The following AK9 variants were observed in gnomAD, a reference collection of about 807,000 sequenced individuals.
AK9 encodes adenylate kinase 9, also known as adenylate kinase domain containing 1.
In AK9, 191 loss-of-function variants were observed where a neutral mutation model predicts 239.6. That is an observed-to-expected ratio of 0.80 (90% CI 0.71 to 0.90). The LOEUF (loss-of-function observed/expected upper bound fraction) is 0.90. AK9 is among the 40% of genes least tolerant of loss of function. The pLI, the probability that AK9 is intolerant of heterozygous loss-of-function variation, is 0.00. For synonymous variants in AK9, 689 were observed against 721.0 expected, an observed-to-expected ratio of 0.96 and a Z score of 0.71; for missense variants, 1,995 against 2,214.7, an observed-to-expected ratio of 0.90 and a Z score of 1.99.
At chr6:109,599,605 T>C (rs1274252945) in intron 17 of AK9, among the ~76,000 whole-genome samples, 1 of 152,102 alleles carries the variant, frequency 6.6e-6, no homozygotes, top group Non-Finnish European at 1.5e-5. Flanking sequence ...TTTCCAATTC[T>C]GTGAAGAAAG....
intron 19 of AK9, among the ~76,000 whole-genome samples, chr6:109,584,050 T>C (rs774848685): frequency 4.7e-4 from 71 of 152,304 alleles, no homozygotes; most frequent in Non-Finnish European, 5.0e-4. Flanking sequence ...TTTGTAATTA[T>C]TGTCTGAATT....
chr6:109,687,756 G>T (rs752400185), intron 1 of AK9, among the ~76,000 whole-genome samples: 1 of 152,220 alleles, frequency 6.6e-6, no homozygotes, highest in African/African-American at 2.4e-5. Context: ...GGTGAGTGAT[G>T]CCAGGGCTCC....
chr6:109,501,026 A>G (rs1342445918), intron 35 of AK9, among the ~76,000 whole-genome samples: 1 of 152,084 alleles, frequency 6.6e-6, no homozygotes, highest in Non-Finnish European at 1.5e-5. Flanking sequence ...AACAAAATGA[A>G]AGAAAAGAAA....
Position 109,499,115 on chromosome 6 carries a change from T to C in AK9, c.4975A>G (p.Thr1659Ala). The change falls in exon 36 of 41, where the codon ACT becomes GCT. Residue 1659 changes from threonine (T) to alanine (A), a missense_variant. Physicochemically the swap from Thr to Ala is moderately conservative, Grantham distance 58 (BLOSUM62 0). Around this residue, in one of 5 missense-constraint regions of AK9, gnomAD observed 391 missense variants for 456.0 expected, o/e 0.86. Coordinates refer to ENST00000424296, the MANE Select transcript of AK9 (RefSeq NM_001145128.3). The part of the protein sequence containing the change: ...ESQELFDCSA[T>A]DSLEFAAEFR... ...TCTGCTGCAAATTCCAAGGAGTCAGTTGCAGAGCAATCAAATAATTCCTGG... is the reference window on the plus strand; with the variant it reads ...TCTGCTGCAAATTCCAAGGAGTCAGCTGCAGAGCAATCAAATAATTCCTGG... The C allele has an allele frequency of 6.2e-7, 1 of 1,609,006 alleles. No homozygotes were observed. Among genetic ancestry groups the C allele is most frequent in the South Asian group, 1.1e-5 (1 of 89,998 alleles).
chr6:109,682,284 A>G (rs1350254721), intron 1 of AK9, among the ~76,000 whole-genome samples: 3 of 152,060 alleles, frequency 2.0e-5, no homozygotes, highest in East Asian at 1.9e-4. Context: ...AAAATTAGCC[A>G]GGCGTGGTGG....
At chr6:109,648,187 A>T (rs1233625614) in intron 8 of AK9, among the ~76,000 whole-genome samples, 2 of 152,220 alleles carry the variant, frequency 1.3e-5, no homozygotes, top group Non-Finnish European at 2.9e-5. Flanking sequence ...GAACTAGAAA[A>T]GCAAGAGCAA....
At chr6:109,548,389 T>C (rs1783881064) in intron 25 of AK9, among the ~76,000 whole-genome samples, 1 of 152,128 alleles carries the variant, frequency 6.6e-6, no homozygotes, top group Non-Finnish European at 1.5e-5. Context: ...GGAATAAACA[T>C]CAAATTTATG....
At chr6:109,643,288 C>T (rs977725399) in intron 9 of AK9, among the ~76,000 whole-genome samples, 2 of 152,176 alleles carry the variant, frequency 1.3e-5, no homozygotes, top group African/African-American at 2.4e-5. Flanking sequence ...GTGGCTCCAC[C>T]ACTAGCATGC....
At chr6:109,643,586 AAC>A (rs1161860080) in intron 9 of AK9, among the ~76,000 whole-genome samples, 1 of 152,146 alleles carries the variant, frequency 6.6e-6, no homozygotes, top group Non-Finnish European at 1.5e-5. Context: ...ATCTTTCTTA[AAC>A]AGAAATAGGA....
At chr6:109,551,720 G>A (rs1344011123) in intron 24 of AK9, among the ~76,000 whole-genome samples, 1 of 150,038 alleles carries the variant, frequency 6.7e-6, no homozygotes, top group Non-Finnish European at 1.5e-5. Context: ...TTTATTTGGG[G>A]TAAAATCCTT....
intron 25 of AK9, among the ~76,000 whole-genome samples, chr6:109,547,346 C>T (rs1399994440): frequency 6.6e-6 from 1 of 152,114 alleles, no homozygotes; most frequent in South Asian, 2.1e-4. Flanking sequence ...TAATCCTATC[C>T]CAGGGAGCTA....
chr6:109,569,824 T>C (rs1787149883), intron 21 of AK9, among the ~76,000 whole-genome samples: 2 of 152,206 alleles, frequency 1.3e-5, no homozygotes, highest in Non-Finnish European at 2.9e-5. Context: ...GCTTTTACAC[T>C]GTTGGTGGGA....
intron 17 of AK9, among the ~76,000 whole-genome samples, chr6:109,588,271 G>A (rs966211762): frequency 2.0e-5 from 3 of 151,948 alleles, no homozygotes; most frequent in South Asian, 2.1e-4. Context: ...GGGTTTCACC[G>A]TGTTAGCCAG....
At chr6:109,600,259 C>A (rs539041301) in intron 17 of AK9, among the ~76,000 whole-genome samples, 1 of 152,110 alleles carries the variant, frequency 6.6e-6, no homozygotes, top group African/African-American at 2.4e-5. Flanking sequence ...CCCATCAATA[C>A]CTAATTTATT....
At chr6:109,663,470 A>G (rs529996170) in intron 5 of AK9, among the ~76,000 whole-genome samples, 2 of 152,342 alleles carry the variant, frequency 1.3e-5, no homozygotes, top group South Asian at 2.1e-4. Context: ...CACTGCAAGG[A>G]CAAAAACTGA....
chr6:109,547,718 C>T (rs756582784), intron 25 of AK9, among the ~76,000 whole-genome samples: 1 of 151,792 alleles, frequency 6.6e-6, no homozygotes, highest in African/African-American at 2.4e-5. Context: ...CCTAAAAAAA[C>T]CTCTGTATCA....
At position 109,516,803 on chromosome 6, in the gene AK9, T is replaced by C. The variant is rs143494547; in HGVS notation, c.3634-161A>G. Among the ~76,000 whole-genome samples the C allele has an allele frequency of 2.2e-4, 33 of 152,336 alleles. No individual in the cohort carries two copies. In the East Asian group the frequency reaches 6.0e-3, roughly 28 times the overall value. On this transcript the variant is annotated intron_variant, in intron 29 of 40. Coordinates refer to ENST00000424296, the MANE Select transcript of AK9 (RefSeq NM_001145128.3). The stretch of plus-strand genomic sequence containing the variant: ...ATAAGGTTTTAAATATCTGACACTT[T>C]TGGGGGTGTTATAGAACACTTTTTT...
At chr6:109,648,195 C>A (rs1334889699) in intron 8 of AK9, among the ~76,000 whole-genome samples, 2 of 152,060 alleles carry the variant, frequency 1.3e-5, no homozygotes, top group Non-Finnish European at 2.9e-5. Context: ...AAAGCAAGAG[C>A]AAACACATTG....
chr6:109,503,163 TA>T (rs1423190290), intron 35 of AK9, among the ~76,000 whole-genome samples: 1 of 152,018 alleles, frequency 6.6e-6, no homozygotes, highest in Non-Finnish European at 1.5e-5. Context: ...TAATATGTAG[TA>T]CTATAGTACA....
Sources: allele counts gnomAD v4.1 joint callset (sites outside exome capture counted in the v4.1 genomes callset), GRCh38; gene constraint gnomAD v4.1.1; regional missense constraint gnomAD v4.1.1; transcripts MANE v1.5; gene names NCBI Gene and HGNC (gene_info 2026-07-23, HGNC 2026-07-21).